Variants in ITGBL1 observed in about 807,000 individuals in gnomAD.
ITGBL1 encodes integrin beta-like protein 1.
Under a neutral mutation model 68.5 loss-of-function variants are expected in ITGBL1, and 51 were observed. The ratio of observed to expected loss-of-function variants is 0.74; its 90% CI spans 0.59 to 0.94. The LOEUF (loss-of-function observed/expected upper bound fraction) is 0.94. ITGBL1 is among the 40% of genes least tolerant of loss of function. The pLI is 0.00. For synonymous variants in ITGBL1, 209 were observed against 227.3 expected, an observed-to-expected ratio of 0.92 and a Z score of 0.72; for missense variants, 649 against 647.4, an observed-to-expected ratio of 1.00 and a Z score of -0.03.
At chr13:101,480,073 C>G (rs1343154280) in intron 2 of ITGBL1, among the ~76,000 whole-genome samples, 1 of 151,966 alleles carries the variant, frequency 6.6e-6, no homozygotes, top group African/African-American at 2.4e-5. Flanking sequence ...ACCTAAGTGG[C>G]CATAAACAGA....
At chr13:101,536,417 A>T (rs745394375) in intron 2 of ITGBL1, among the ~76,000 whole-genome samples, 5 of 152,052 alleles carry the variant, frequency 3.3e-5, no homozygotes, top group Non-Finnish European at 7.4e-5. Context: ...ATTGTAAAAT[A>T]AATAACCATG....
At chr13:101,706,936 C>T in intron 9 of ITGBL1, 34 bp downstream of exon 9, 1 of 1,600,930 alleles carries the variant, frequency 6.2e-7, no homozygotes, top group Non-Finnish European at 8.5e-7. Context: ...GACTCCATTC[C>T]TGTTCTGACA....
chr13:101,601,029 G>C (rs576150584), intron 7 of ITGBL1, among the ~76,000 whole-genome samples: 1 of 152,282 alleles, frequency 6.6e-6, no homozygotes, highest in Admixed American at 6.5e-5. Context: ...GCTCCTCCTT[G>C]TACCTCTGGT....
chr13:101,609,276 G>A (rs1231270412), intron 7 of ITGBL1, among the ~76,000 whole-genome samples: 2 of 152,010 alleles, frequency 1.3e-5, no homozygotes, highest in African/African-American at 4.8e-5. Context: ...TGAGATGGAG[G>A]GAGAATTAAA....
intron 8 of ITGBL1, among the ~76,000 whole-genome samples, chr13:101,705,301 A>AG (rs956163397): frequency 6.7e-6 from 1 of 148,286 alleles, no homozygotes; most frequent in African/African-American, 2.5e-5. Context: ...GCAAAAAAAA[A>AG]AAAAAAAACA....
intron 2 of ITGBL1, among the ~76,000 whole-genome samples, chr13:101,503,176 G>A (rs993604714): frequency 6.6e-6 from 1 of 152,144 alleles, no homozygotes; most frequent in Non-Finnish European, 1.5e-5. Context: ...AATTTAGGGA[G>A]GTAAAATTAA....
intron 6 of ITGBL1, among the ~76,000 whole-genome samples, chr13:101,585,924 T>C (rs2050548501): frequency 6.6e-6 from 1 of 152,186 alleles, no homozygotes; most frequent in Non-Finnish European, 1.5e-5. Flanking sequence ...GATTTTGGAC[T>C]GGGGTTGAAA....
downstream of ITGBL1, chr13:101,720,300 AAT>A (rs1305320921): frequency 2.0e-5 from 3 of 152,158 alleles, no homozygotes; most frequent in African/African-American, 7.2e-5. Flanking sequence ...ACCCCTCTGC[AAT>A]ATGTCTAAAC....
chr13:101,565,898 C>T (rs1003630377), intron 2 of ITGBL1, among the ~76,000 whole-genome samples: 1 of 152,004 alleles, frequency 6.6e-6, no homozygotes, highest in African/African-American at 2.4e-5. Flanking sequence ...GGATCTCTCC[C>T]TATCCTGTAT....
chr13:101,583,472 A>G lies in ITGBL1; in HGVS notation c.868+116A>G. 5.4e-6 allele frequency: 4 copies of G among 741,858 alleles called. No homozygotes were observed. In the Admixed American group the frequency reaches 1.2e-4, roughly 21 times the overall value. The allele number at this position is 741,858 out of a possible 1,614,324, so 46.0% of individuals were successfully genotyped here. ...ATAAGACATACTGTTGGATAGCACA[A>G]TAGGGTGACTATAGTCAATAACTTA... On this transcript the variant is annotated intron_variant, in intron 6 of 10. Coordinates refer to ENST00000376180, the MANE Select transcript of ITGBL1 (RefSeq NM_004791.3).
At position 101,694,273 on chromosome 13, in the gene ITGBL1, GAC is replaced by G. The variant is rs1297495618; in HGVS notation, c.1132+1574_1132+1575del. On this transcript the variant is annotated intron_variant, in intron 8 of 10. Transcript: ENST00000376180. ...GGTTTTACTCTTTTTGTTTGTTAAGGACATGACATATATTAACTCATTTATTT... is the reference window on the plus strand; with the variant it reads ...GGTTTTACTCTTTTTGTTTGTTAAGGATGACATATATTAACTCATTTATTT... Among the ~76,000 whole-genome samples, 12 of 152,166 alleles carry G rather than the reference GAC, an allele frequency of 7.9e-5. 1 individual carries two copies. The highest frequency in any genetic ancestry group is 2.9e-4 in the African/African-American group (12 of 41,512).
At chr13:101,653,148 A>G (rs2032805166) in intron 7 of ITGBL1, among the ~76,000 whole-genome samples, 1 of 147,798 alleles carries the variant, frequency 6.8e-6, no homozygotes, top group African/African-American at 2.5e-5. Flanking sequence ...GGGGAGGGGG[A>G]GGAGGAGGAG....
chr13:101,570,757 T>A (rs2050259229), intron 3 of ITGBL1, among the ~76,000 whole-genome samples: 2 of 152,260 alleles, frequency 1.3e-5, no homozygotes, highest in South Asian at 4.1e-4. Context: ...AGTCCCTAGT[T>A]ATATAATTAT....
intron 2 of ITGBL1, among the ~76,000 whole-genome samples, chr13:101,523,459 G>A (rs548548568): frequency 6.6e-6 from 1 of 152,236 alleles, no homozygotes. Context: ...AATTAATGCG[G>A]TTTTGCTATC....
intron 10 of ITGBL1, chr13:101,715,021 A>C: frequency 6.0e-6 from 1 of 165,876 alleles, no homozygotes; most frequent in Non-Finnish European, 1.3e-5. Context: ...CTGCTATCCT[A>C]ATTTATTGAG....
intron 2 of ITGBL1, among the ~76,000 whole-genome samples, chr13:101,536,828 TAATA>T (rs1037370015): frequency 6.6e-6 from 1 of 152,018 alleles, no homozygotes; most frequent in African/African-American, 2.4e-5. Flanking sequence ...AATCTCATAT[TAATA>T]ATTATTTCCA....
intron 2 of ITGBL1, among the ~76,000 whole-genome samples, chr13:101,500,450 T>C (rs913563424): frequency 6.6e-6 from 1 of 152,242 alleles, no homozygotes; most frequent in African/African-American, 2.4e-5. Flanking sequence ...GTGAATCCTT[T>C]CTTCTCAGGA....
At chr13:101,706,982 C>T (rs1166819396) in intron 9 of ITGBL1, 80 bp downstream of exon 9, 1 of 1,458,460 alleles carries the variant, frequency 6.9e-7, no homozygotes, top group African/African-American at 1.4e-5. Flanking sequence ...AACTGTCTTT[C>T]CCAGACTGAA....
At chr13:101,648,360 T>C (rs1175112760) in intron 7 of ITGBL1, among the ~76,000 whole-genome samples, 1 of 152,202 alleles carries the variant, frequency 6.6e-6, no homozygotes, top group South Asian at 2.1e-4. Context: ...AGTAAAAGAA[T>C]GCAGTAACTA....
Sources: allele counts gnomAD v4.1 joint callset (sites outside exome capture counted in the v4.1 genomes callset), GRCh38; gene constraint gnomAD v4.1.1; transcripts MANE v1.5; gene names NCBI Gene and HGNC (gene_info 2026-07-23, HGNC 2026-07-21).